HSPA4L: variants seen among roughly 807,000 people sequenced by gnomAD.
HSPA4L encodes the protein heat shock protein family A (Hsp70) member 4 like, also known as heat shock 70 kDa protein 4L.
A neutral mutation model predicts 100.3 loss-of-function variants in HSPA4L; 48 were observed. That is an observed-to-expected ratio of 0.48 (90% CI 0.38 to 0.61). HSPA4L has a LOEUF of 0.61. Ranked by LOEUF, HSPA4L falls within the 20% of genes least tolerant of loss-of-function variation. The pLI is 0.00. For missense variants in HSPA4L, 886 were observed against 988.6 expected (o/e 0.90, Z 1.39); for synonymous variants, 319 against 328.2 (o/e 0.97, Z 0.30).
In HSPA4L at chr4:127,820,550, C is replaced by T. The variant is rs1449797640; in HGVS notation, c.1797C>T (p.Ser599=). 6.3e-7 allele frequency: 1 copy of T among 1,599,482 alleles called. No individual in the cohort carries two copies. The highest frequency in any genetic ancestry group is 1.8e-5 in the Admixed American group (1 of 56,892). ...CRQLGQDLLN[S]YIENEGKMIM... The stretch of plus-strand genomic sequence containing the variant: ...AACTAGGCCAAGATCTTCTCAACAG[C>T]TACATTGAAAATGAGGTATGTAAAT... The change falls in exon 14 of 19, where the codon AGC becomes AGT. Residue 599 remains serine (S), a synonymous_variant. Coordinates refer to ENST00000296464, the MANE Select transcript of HSPA4L (RefSeq NM_014278.4).
intron 1 of HSPA4L, among the ~76,000 whole-genome samples, chr4:127,791,366 T>C (rs996577003): frequency 6.6e-5 from 10 of 152,150 alleles, no homozygotes; most frequent in Admixed American, 1.3e-4. Context: ...GCTGATGAGC[T>C]AGAAAAAAGG....
chr4:127,796,440 A>G (rs1196317476), intron 3 of HSPA4L, among the ~76,000 whole-genome samples: 1 of 152,118 alleles, frequency 6.6e-6, no homozygotes, highest in South Asian at 2.1e-4. Flanking sequence ...ACTACTTACT[A>G]TATGGCCCCG....
At chr4:127,809,901 G>C (rs1733477212) in intron 11 of HSPA4L, among the ~76,000 whole-genome samples, 1 of 152,130 alleles carries the variant, frequency 6.6e-6, no homozygotes, top group South Asian at 2.1e-4. Context: ...CATATTTGCT[G>C]TTTATAGGAT....
rs747046532 is a variant in HSPA4L at position 127,783,680 on chromosome 4, G to A, written c.107+1023G>A. The A allele has an allele frequency of 3.3e-6, 5 of 1,535,112 alleles. No homozygotes were observed. The South Asian group carries it at 3.6e-5, about 11-fold the overall frequency. The stretch of plus-strand genomic sequence containing the variant: ...AAACCTATATTACTTTTTATGGAAA[G>A]GTAATTTGGCATCTTAATTTGACCG... On this transcript the variant is annotated intron_variant, in intron 1 of 18. Transcript: ENST00000296464.
chr4:127,820,852 C>T (rs975693904), intron 14 of HSPA4L, among the ~76,000 whole-genome samples: 1 of 152,110 alleles, frequency 6.6e-6, no homozygotes, highest in African/African-American at 2.4e-5. Context: ...TGACACCCAG[C>T]AGACCACATA....
intron 11 of HSPA4L, among the ~76,000 whole-genome samples, chr4:127,810,068 T>C (rs1733482009): frequency 6.6e-6 from 1 of 152,128 alleles, no homozygotes; most frequent in Non-Finnish European, 1.5e-5. Context: ...TATTCTTCTA[T>C]AAACATCTTC....
intron 3 of HSPA4L, among the ~76,000 whole-genome samples, chr4:127,796,940 A>C (rs1054358254): frequency 2.6e-5 from 4 of 152,184 alleles, no homozygotes; most frequent in African/African-American, 9.7e-5. Context: ...AGAAGGATAA[A>C]CTTAATGCTG....
chr4:127,802,676 C>T (rs1181786303), intron 6 of HSPA4L, among the ~76,000 whole-genome samples: 5 of 152,042 alleles, frequency 3.3e-5, no homozygotes, highest in African/African-American at 9.7e-5. Flanking sequence ...ATCACAGACC[C>T]GTTTGAAAAT....
chr4:127,808,780 G>A (rs1256313974), intron 11 of HSPA4L, among the ~76,000 whole-genome samples: 4 of 152,064 alleles, frequency 2.6e-5, no homozygotes, highest in African/African-American at 9.7e-5. Context: ...AAAATTAGCT[G>A]GGTGTGGTGG....
At chr4:127,809,668 C>G (rs1281687408) in intron 11 of HSPA4L, among the ~76,000 whole-genome samples, 1 of 152,082 alleles carries the variant, frequency 6.6e-6, no homozygotes, top group Non-Finnish European at 1.5e-5. Context: ...CTGTATCGTC[C>G]AAGGAATTGA....
In HSPA4L at chr4:127,811,348, A is replaced by T. The variant is rs113760591; in HGVS notation, c.1379-89A>T. ...TTATTGCCAAGATGATTATTTGCCA[A>T]CATCTTAAAGATGATAGCCAAATTA... On this transcript the variant is annotated intron_variant, in intron 11 of 18. Coordinates refer to ENST00000296464, the MANE Select transcript of HSPA4L (RefSeq NM_014278.4). The T allele has an allele frequency of 1.2e-5, 11 of 943,718 alleles. No homozygotes were observed. In the African/African-American group the frequency reaches 1.8e-4, roughly 15 times the overall value. 58.5% of individuals were successfully genotyped at this position (943,718 alleles called of 1,614,324 possible).
intron 18 of HSPA4L, among the ~76,000 whole-genome samples, chr4:127,832,236 C>CA (rs879832842): frequency 6.2e-4 from 93 of 150,038 alleles, no homozygotes; most frequent in Middle Eastern, 3.4e-3. Flanking sequence ...TATTTTCAAA[C>CA]AAAAAAAAAT....
rs149092788 is a variant in HSPA4L at position 127,807,463 on chromosome 4, G to T, written c.1245-533G>T. Among the ~76,000 whole-genome samples the T allele has an allele frequency of 4.8e-3, 735 of 152,046 alleles. 7 individuals are homozygous for T. The highest frequency in any genetic ancestry group is 0.015 in the African/African-American group (617 of 41,518). On this transcript the variant is annotated intron_variant, in intron 10 of 18. Coordinates refer to ENST00000296464, the MANE Select transcript of HSPA4L (RefSeq NM_014278.4). ...GCACCATAATGTATGTATAACCCTC[G>T]GTTGGTTCAGGAAAAATATATACAG...
rs1734309908 is a variant in HSPA4L at position 127,839,413 on chromosome 4, C to A, written c.*6539C>A. ...ACCAGCCTGGGCAACATGGCAAAAC[C>A]CCGTCTCTACTAAAAATACAAAAAA... On this transcript the variant is annotated 3_prime_UTR_variant, in exon 19 of 19. Transcript: ENST00000296464. 6.6e-6 allele frequency: 1 copy of A among 152,208 alleles called. No homozygotes were observed. The highest frequency in any genetic ancestry group is 6.6e-5 in the Admixed American group (1 of 15,256). 9.4% of individuals were successfully genotyped at this position (152,208 alleles called of 1,614,324 possible). A position where few individuals can be genotyped will look rare whatever the true frequency, so the allele number is the denominator to read the frequency against.
At chr4:127,783,881 G>C (rs1732638233) in intron 1 of HSPA4L, among the ~76,000 whole-genome samples, 1 of 152,206 alleles carries the variant, frequency 6.6e-6, no homozygotes, top group African/African-American at 2.4e-5. Context: ...GAAGATTCTA[G>C]AAGGTTTTAT....
chr4:127,799,294 A>G (rs1024776659), intron 4 of HSPA4L, among the ~76,000 whole-genome samples: 6 of 152,056 alleles, frequency 3.9e-5, no homozygotes, highest in Admixed American at 6.6e-5. Context: ...ATTTTTTTTC[A>G]TAGGCATTTG....
chr4:127,832,159 T>A (rs1734099881), intron 18 of HSPA4L, among the ~76,000 whole-genome samples: 2 of 152,178 alleles, frequency 1.3e-5, no homozygotes, highest in African/African-American at 4.8e-5. Context: ...AGAGCATTGT[T>A]TCATTTAAAT....
chr4:127,799,550 A>G (rs1479485773), intron 4 of HSPA4L, among the ~76,000 whole-genome samples: 2 of 152,224 alleles, frequency 1.3e-5, no homozygotes, highest in African/African-American at 4.8e-5. Context: ...TGTTAGAGCC[A>G]GATAGTTAAT....
intron 18 of HSPA4L, among the ~76,000 whole-genome samples, chr4:127,831,879 A>AT (rs1385967317): frequency 3.3e-5 from 5 of 151,958 alleles, no homozygotes; most frequent in Admixed American, 2.6e-4. Flanking sequence ...AAAAGCTGGT[A>AT]TTTTTTATAA....
Sources: allele counts gnomAD v4.1 joint callset (sites outside exome capture counted in the v4.1 genomes callset), GRCh38; gene constraint gnomAD v4.1.1; transcripts MANE v1.5; gene names NCBI Gene and HGNC (gene_info 2026-07-23, HGNC 2026-07-21).